Variants in EPYC observed in about 807,000 individuals in gnomAD.
The protein encoded by EPYC is epiphycan.
A neutral mutation model predicts 30.1 loss-of-function variants in EPYC; 28 were observed. That is an observed-to-expected ratio of 0.93 (90% confidence interval 0.69 to 1.28). The LOEUF is 1.28. Among genes scored for constraint, EPYC ranks in the 50% most tolerant of loss-of-function variants. The pLI is 0.00. For missense variants in EPYC, 382 were observed against 383.5 expected, an observed-to-expected ratio of 1.00 and a Z score of 0.03; for synonymous variants, 144 against 141.4, an observed-to-expected ratio of 1.02 and a Z score of -0.13.
At chr12:90,969,052 A>G (rs963446612) in intron 6 of EPYC, among the ~76,000 whole-genome samples, 2 of 151,202 alleles carry the variant, frequency 1.3e-5, no homozygotes, top group Non-Finnish European at 3.0e-5. Context: ...AGAGATATAT[A>G]TTTATATATA....
intron 2 of EPYC, among the ~76,000 whole-genome samples, chr12:90,997,340 G>A (rs139305469): frequency 0.013 from 888 of 69,910 alleles, 8 homozygotes; most frequent in African/African-American, 0.029. Flanking sequence ...TCTGGATGAA[G>A]CCAAGAAAAT....
At chr12:91,000,790 CT>C (rs201570018) in intron 2 of EPYC, among the ~76,000 whole-genome samples, 3 of 77,216 alleles carry the variant, frequency 3.9e-5, no homozygotes, top group Non-Finnish European at 1.2e-4. Context: ...AATGCACTAA[CT>C]TTTTTTTAAA....
intron 2 of EPYC, among the ~76,000 whole-genome samples, chr12:90,992,293 C>T (rs1462376096): frequency 6.6e-6 from 1 of 152,186 alleles, no homozygotes; most frequent in East Asian, 1.9e-4. Context: ...TGCTGTGTGG[C>T]CTGGTTCCTG....
In EPYC at chr12:90,991,955, C is replaced by T. The variant is rs554439096; in HGVS notation, c.165+10446G>A. On this transcript the variant is annotated intron_variant, in intron 2 of 6. Transcript: ENST00000261172. ...AATGTGGTAAGTTTTTTACTAGGCT[C>T]CTGGGGGCACAGACTTCAAAAATAT... Among the ~76,000 whole-genome samples, 4 of 152,234 alleles carry T rather than the reference C, an allele frequency of 2.6e-5. No individual in the cohort carries two copies. In the East Asian group the frequency reaches 7.7e-4, roughly 29 times the overall value.
chr12:90,973,840 GA>G (rs1877112941), intron 3 of EPYC, among the ~76,000 whole-genome samples: 1 of 152,082 alleles, frequency 6.6e-6, no homozygotes, highest in African/African-American at 2.4e-5. Context: ...GGTATCATAC[GA>G]TGCGGTTTGC....
chr12:90,964,243 A>G lies in EPYC; in HGVS notation c.882T>C (p.Ile294=), dbSNP rs761123702. Reference sequence around the variant, plus strand: ...GATTAATAGGGTTTCCATCCAATCGAATGTCCTCTAGTGCCTTACGAATAT... The same window carrying G: ...GATTAATAGGGTTTCCATCCAATCGGATGTCCTCTAGTGCCTTACGAATAT... ...LTYIRKALED[I]RLDGNPINLS... Residue 294 remains isoleucine (I), a synonymous_variant, in exon 7 of 7, where the codon ATT becomes ATC. Coordinates refer to ENST00000261172, the MANE Select transcript of EPYC (RefSeq NM_004950.5). 6.2e-7 allele frequency: 1 copy of G among 1,613,554 alleles called. No individual in the cohort carries two copies. Among genetic ancestry groups the G allele is most frequent in the African/African-American group, 1.3e-5 (1 of 74,910 alleles).
chr12:90,983,102 AC>A (rs1877359497), intron 2 of EPYC, among the ~76,000 whole-genome samples: 1 of 152,128 alleles, frequency 6.6e-6, no homozygotes, highest in Non-Finnish European at 1.5e-5. Flanking sequence ...TACATTCCCA[AC>A]AAAGTATGCA....
Position 90,976,858 on chromosome 12 carries a change from G to A in EPYC, c.340+1230C>T, listed in dbSNP as rs138854017. Among the ~76,000 whole-genome samples the A allele has an allele frequency of 4.7e-4, 71 of 152,142 alleles. 1 individual carries two copies. In the East Asian group the frequency reaches 0.011, roughly 23 times the overall value. ...ATGAGATCTGATGGTTTTATAAGGC[G>A]TTTCCCCTTTCACTTGGCTCTCTTT... On this transcript the variant is annotated intron_variant, in intron 3 of 6. Transcript: ENST00000261172.
intron 2 of EPYC, among the ~76,000 whole-genome samples, chr12:90,982,077 G>A (rs994208251): frequency 2.6e-5 from 4 of 152,056 alleles, no homozygotes; most frequent in Admixed American, 2.6e-4. Flanking sequence ...CAAACATTAT[G>A]CTTAAGTTAT....
intron 2 of EPYC, among the ~76,000 whole-genome samples, chr12:90,984,145 A>T (rs1432699188): frequency 6.6e-6 from 1 of 152,154 alleles, no homozygotes; most frequent in Non-Finnish European, 1.5e-5. Flanking sequence ...TCCCAATACT[A>T]ACAGGAAAAC....
rs1364590173 is a variant in EPYC, at chr12:90,971,195, CCTGTAGATGGTGCTT to C, written c.702+590_702+604del. The stretch of plus-strand genomic sequence containing the variant: ...CTGGCTTGTACCACTTCCAGGTGCT[CCTGTAGATGGTGCTT>C]CTGTAGATGGTGCTTCAGGTAGCCA... On this transcript the variant is annotated intron_variant, in intron 5 of 6. Transcript: ENST00000261172. Among the ~76,000 whole-genome samples the C allele has an allele frequency of 8.5e-5, 13 of 152,114 alleles. 1 individual carries two copies. The South Asian group carries it at 1.9e-3, about 22-fold the overall frequency.
Position 90,978,280 on chromosome 12 carries a change from A to G in EPYC, c.166-18T>C, listed in dbSNP as rs571573822. ...ATTTCAATCTGAAAAAAAAAAAAAA[A>G]AGAGAATTTCTTCAGGCCAACTTCT... On this transcript the variant is annotated intron_variant, in intron 2 of 6. Coordinates refer to ENST00000261172, the MANE Select transcript of EPYC (RefSeq NM_004950.5). 9.5e-5 allele frequency: 147 copies of G among 1,552,862 alleles called. No homozygotes were observed. The highest frequency in any genetic ancestry group is 2.1e-4 in the East Asian group (9 of 43,028).
chr12:90,970,141 T>C lies in EPYC; in HGVS notation c.703-2A>G. 6.2e-7 allele frequency: 1 copy of C among 1,606,010 alleles called. No homozygotes were observed. Among genetic ancestry groups the C allele is most frequent in the Non-Finnish European group, 8.5e-7 (1 of 1,173,696 alleles). On this transcript the variant is annotated splice_acceptor_variant, in intron 5 of 6. Coordinates refer to ENST00000261172, the MANE Select transcript of EPYC (RefSeq NM_004950.5). LOFTEE classifies it high-confidence loss of function. ...CAGATGATGGAGATCATACATGTCC[T>C]GTAAACATTCCAAATGTGGGAACTC...
chr12:91,001,043 A>G (rs1189961611), intron 2 of EPYC, among the ~76,000 whole-genome samples: 1 of 152,098 alleles, frequency 6.6e-6, no homozygotes, highest in Non-Finnish European at 1.5e-5. Flanking sequence ...TCAAATGTGC[A>G]GAAGAAAAAT....
rs1877102877 is a variant in EPYC at position 90,973,411 on chromosome 12, A to G, written c.341-431T>C. Among the ~76,000 whole-genome samples the G allele has an allele frequency of 2.0e-5, 3 of 152,200 alleles. No homozygotes were observed. In the South Asian group the frequency reaches 6.2e-4, roughly 31 times the overall value. The stretch of plus-strand genomic sequence containing the variant: ...CAATACATATTATTGAATCCTTTCT[A>G]TGTAAATGGCACCATGGTAGCTGGT... On this transcript the variant is annotated intron_variant, in intron 3 of 6. Coordinates refer to ENST00000261172, the MANE Select transcript of EPYC (RefSeq NM_004950.5).
At chr12:90,979,650 GTCTC>G (rs1389186403) in intron 2 of EPYC, among the ~76,000 whole-genome samples, 2 of 152,036 alleles carry the variant, frequency 1.3e-5, no homozygotes, top group Non-Finnish European at 2.9e-5. Context: ...CTTCCATAGA[GTCTC>G]TCTATTTCAG....
At chr12:91,003,383 A>G (rs1399214113) in intron 1 of EPYC, among the ~76,000 whole-genome samples, 6 of 152,068 alleles carry the variant, frequency 3.9e-5, no homozygotes, top group African/African-American at 1.4e-4. Context: ...ACCAACAGGA[A>G]TACATGTTTA....
At chr12:90,996,360 GTTA>G (rs1877693172) in intron 2 of EPYC, among the ~76,000 whole-genome samples, 1 of 151,718 alleles carries the variant, frequency 6.6e-6, no homozygotes, top group Non-Finnish European at 1.5e-5. Flanking sequence ...ATATTCTAAA[GTTA>G]TTATCTATTT....
chr12:90,996,869 C>T (rs573813302), intron 2 of EPYC, among the ~76,000 whole-genome samples: 3 of 151,996 alleles, frequency 2.0e-5, no homozygotes, highest in Non-Finnish European at 4.4e-5. Context: ...AGAAAGGATA[C>T]GGACAGTTTT....
Sources: allele counts gnomAD v4.1 joint callset (sites outside exome capture counted in the v4.1 genomes callset), GRCh38; gene constraint gnomAD v4.1.1; transcripts MANE v1.5; gene names NCBI Gene and HGNC (gene_info 2026-07-23, HGNC 2026-07-21).